NRXN1: variants seen among roughly 807,000 people sequenced by gnomAD.
NRXN1 encodes neurexin 1.
A neutral mutation model predicts 150.9 loss-of-function variants in NRXN1; 39 were observed. The observed-to-expected ratio is 0.26, with a 90% CI of 0.20 to 0.34. The LOEUF is 0.34. NRXN1 is among the 10% of genes least tolerant of loss of function. The pLI, the probability that NRXN1 is intolerant of heterozygous loss-of-function variation, is 1.00. For missense variants in NRXN1, 1,815 were observed against 1,949.9 expected (o/e 0.93, Z 1.30); for synonymous variants, 924 against 757.0 (o/e 1.22, Z -3.62).
chr2:50,866,019 G>GT (rs1404374644), intron 5 of NRXN1, among the ~76,000 whole-genome samples: 1 of 151,706 alleles, frequency 6.6e-6, no homozygotes, highest in Non-Finnish European at 1.5e-5. Context: ...AATTTTTCAT[G>GT]TTTTTTCTTT....
rs150798297 is a variant in NRXN1, at chr2:50,147,614, C to T, written c.3547-56120G>A. On this transcript the variant is annotated intron_variant, in intron 18 of 22. Coordinates refer to ENST00000401669, the MANE Select transcript of NRXN1 (RefSeq NM_001330078.2). The stretch of plus-strand genomic sequence containing the variant: ...CGTGATTGACTGTAATATGAAGTCA[C>T]GTGTGGAAAAAACAAAACTACACCC... Among the ~76,000 whole-genome samples, 164 of 151,598 alleles carry T rather than the reference C, an allele frequency of 1.1e-3. 1 individual carries two copies. Among genetic ancestry groups the T allele is most frequent in the African/African-American group, 3.4e-3 (139 of 41,430 alleles).
intron 18 of NRXN1, among the ~76,000 whole-genome samples, chr2:50,152,421 G>A (rs1182363980): frequency 6.6e-6 from 1 of 151,678 alleles, no homozygotes; most frequent in Non-Finnish European, 1.5e-5. Flanking sequence ...TATGTATACA[G>A]TAGTCCCTCC....
At chr2:50,300,386 G>C (rs1651809376) in intron 17 of NRXN1, among the ~76,000 whole-genome samples, 1 of 152,168 alleles carries the variant, frequency 6.6e-6, no homozygotes, top group Non-Finnish European at 1.5e-5. Flanking sequence ...TGGAAAAACA[G>C]AGATACTACA....
chr2:49,994,594 C>T (rs1682603419), intron 21 of NRXN1, among the ~76,000 whole-genome samples: 1 of 152,102 alleles, frequency 6.6e-6, no homozygotes, highest in African/African-American at 2.4e-5. Context: ...ATGGTCACAA[C>T]CTACCTATAA....
At chr2:50,771,020 G>A (rs1702951031) in intron 5 of NRXN1, among the ~76,000 whole-genome samples, 1 of 152,048 alleles carries the variant, frequency 6.6e-6, no homozygotes. Flanking sequence ...GCACACAGTG[G>A]ATACTCCCAA....
chr2:50,782,485 A>C (rs1435275925), intron 5 of NRXN1, among the ~76,000 whole-genome samples: 1 of 152,116 alleles, frequency 6.6e-6, no homozygotes, highest in Non-Finnish European at 1.5e-5. Context: ...ACAAACAAAC[A>C]AACAGCAAAA....
intron 2 of NRXN1, among the ~76,000 whole-genome samples, chr2:50,958,199 G>A (rs557973349): frequency 1.1e-4 from 17 of 152,188 alleles, no homozygotes; most frequent in African/African-American, 2.2e-4. Context: ...TCAAGGGAAC[G>A]AGAGATTCCT....
chr2:50,351,085 T>A (rs1278949800), intron 17 of NRXN1, among the ~76,000 whole-genome samples: 3 of 152,222 alleles, frequency 2.0e-5, no homozygotes, highest in African/African-American at 7.2e-5. Flanking sequence ...AAAGCTTGTG[T>A]GTACCCATTA....
At chr2:50,752,228 C>T (rs894719594) in intron 5 of NRXN1, among the ~76,000 whole-genome samples, 2 of 151,922 alleles carry the variant, frequency 1.3e-5, no homozygotes, top group African/African-American at 4.8e-5. Flanking sequence ...TTTGGCCTGC[C>T]TATCATTTAT....
chr2:50,514,481 T>A (rs2092567066), intron 12 of NRXN1, among the ~76,000 whole-genome samples: 1 of 152,228 alleles, frequency 6.6e-6, no homozygotes. Context: ...TTGTGCCAAA[T>A]ACCGATCTCA....
At chr2:50,531,192 A>C (rs2093092667) in intron 11 of NRXN1, 35 bp downstream of exon 11, 1 of 1,557,978 alleles carries the variant, frequency 6.4e-7, no homozygotes, top group African/African-American at 1.4e-5. Flanking sequence ...AAAAGTAAAA[A>C]AGTGTTAGTT....
At chr2:50,590,520 T>A (rs969312303) in intron 8 of NRXN1, among the ~76,000 whole-genome samples, 1 of 152,130 alleles carries the variant, frequency 6.6e-6, no homozygotes, top group African/African-American at 2.4e-5. Flanking sequence ...CAACTAACAT[T>A]AACTCACTGT....
intron 5 of NRXN1, among the ~76,000 whole-genome samples, chr2:50,790,814 C>A (rs1705834722): frequency 6.6e-6 from 1 of 152,002 alleles, no homozygotes; most frequent in Non-Finnish European, 1.5e-5. Flanking sequence ...GGTTTTCTTC[C>A]CCCTAAAGAA....
At chr2:50,428,601 C>T (rs2084691814) in intron 17 of NRXN1, among the ~76,000 whole-genome samples, 1 of 152,052 alleles carries the variant, frequency 6.6e-6, no homozygotes, top group Non-Finnish European at 1.5e-5. Flanking sequence ...GAAGACATAC[C>T]TTATGATTAG....
At chr2:50,608,131 A>C (rs1677437130) in intron 8 of NRXN1, among the ~76,000 whole-genome samples, 1 of 152,060 alleles carries the variant, frequency 6.6e-6, no homozygotes. Flanking sequence ...CTGAGCTACA[A>C]ATCAGCAGTT....
chr2:50,768,142 G>A (rs1214080716), intron 5 of NRXN1, among the ~76,000 whole-genome samples: 1 of 152,088 alleles, frequency 6.6e-6, no homozygotes, highest in African/African-American at 2.4e-5. Context: ...GAGTCTGACT[G>A]CAGTTCTTTC....
intron 5 of NRXN1, among the ~76,000 whole-genome samples, chr2:50,665,676 T>G (rs181018553): frequency 2.4e-4 from 36 of 152,128 alleles, no homozygotes. Flanking sequence ...TGGTAGGTTT[T>G]GCTGTGGTTT....
chr2:50,211,967 G>A (rs1459632144), intron 18 of NRXN1, among the ~76,000 whole-genome samples: 1 of 151,560 alleles, frequency 6.6e-6, no homozygotes, highest in African/African-American at 2.4e-5. Flanking sequence ...GCTCATTCAT[G>A]GGAGCAAATC....
At chr2:50,484,741 A>T (rs1270554941) in intron 15 of NRXN1, among the ~76,000 whole-genome samples, 1 of 152,248 alleles carries the variant, frequency 6.6e-6, no homozygotes, top group African/African-American at 2.4e-5. Context: ...TATAGATGCT[A>T]TGCAAGGCAT....
Sources: gnomAD v4.1 joint callset for allele counts (sites outside exome capture counted in the v4.1 genomes callset) on GRCh38, gnomAD v4.1.1 for gene constraint, MANE v1.5 for transcripts, NCBI Gene and HGNC (gene_info 2026-07-23, HGNC 2026-07-21) for gene names.